The following SGK1 variants were observed in gnomAD, a reference collection of about 807,000 sequenced individuals.
The protein encoded by SGK1 is serum/glucocorticoid regulated kinase 1.
Under a neutral mutation model 64.2 loss-of-function variants are expected in SGK1, and 26 were observed. The observed-to-expected ratio is 0.40, with a 90% CI of 0.30 to 0.56. The LOEUF is 0.56. Ranked by LOEUF, SGK1 falls within the 20% of genes least tolerant of loss-of-function variation. The probability of loss-of-function intolerance (pLI) is 0.38; values close to 1 mark genes in which losing one functional copy is unlikely to be tolerated. For missense variants in SGK1, 519 were observed against 645.6 expected (o/e 0.80, Z 2.12); for synonymous variants, 265 against 239.7 (o/e 1.11, Z -0.98).
At chr6:134,277,399 T>G (rs1361250251) in intron 1 of SGK1, among the ~76,000 whole-genome samples, 1 of 152,122 alleles carries the variant, frequency 6.6e-6, no homozygotes, top group Non-Finnish European at 1.5e-5. Context: ...GTCTTACCAG[T>G]GGCTTTTAAC....
intron 1 of SGK1, among the ~76,000 whole-genome samples, chr6:134,300,217 T>C (rs940618535): frequency 5.3e-5 from 8 of 151,768 alleles, no homozygotes; most frequent in Non-Finnish European, 7.4e-5. Context: ...TGGGGAGAGA[T>C]GAGTTAAGAG....
chr6:134,175,888 G>A, intron 3 of SGK1: 3 of 1,119,496 alleles, frequency 2.7e-6, no homozygotes, highest in Non-Finnish European at 3.3e-6. Flanking sequence ...GAGGAGGAAG[G>A]AAGGAAAGAA....
intron 1 of SGK1, among the ~76,000 whole-genome samples, chr6:134,286,738 A>AT (rs1425591892): frequency 6.6e-6 from 1 of 152,154 alleles, no homozygotes; most frequent in African/African-American, 2.4e-5. Flanking sequence ...AAGTGCTGAG[A>AT]TTACAGGCGT....
chr6:134,209,439 A>G (rs1775850164), intron 2 of SGK1, among the ~76,000 whole-genome samples: 1 of 151,696 alleles, frequency 6.6e-6, no homozygotes, highest in Admixed American at 6.6e-5. Context: ...GTCTCAAAAA[A>G]ACAAACAAAC....
intron 1 of SGK1, among the ~76,000 whole-genome samples, chr6:134,304,288 G>C (rs1303979898): frequency 1.3e-5 from 2 of 152,206 alleles, no homozygotes; most frequent in African/African-American, 4.8e-5. Context: ...AGTAGCTTTT[G>C]CTCATCAAAT....
chr6:134,315,486 C>A (rs577431855), intron 1 of SGK1, among the ~76,000 whole-genome samples: 1 of 151,176 alleles, frequency 6.6e-6, no homozygotes, highest in Non-Finnish European at 1.5e-5. Context: ...CAACTGAAGT[C>A]TATTGGTAAA....
At chr6:134,185,218 A>G (rs1775402369) in intron 3 of SGK1, among the ~76,000 whole-genome samples, 1 of 152,162 alleles carries the variant, frequency 6.6e-6, no homozygotes, top group Non-Finnish European at 1.5e-5. Context: ...CTGCCAGGGG[A>G]TGACACAGTC....
intron 5 of SGK1, 33 bp downstream of exon 5, chr6:134,173,972 C>T (rs762664311): frequency 4.5e-5 from 67 of 1,482,428 alleles, no homozygotes; most frequent in Non-Finnish European, 1.4e-5. Context: ...CCTTACAGTT[C>T]TCCACAGATG....
At chr6:134,191,554 C>G (rs1301236449) in intron 3 of SGK1, among the ~76,000 whole-genome samples, 2 of 152,170 alleles carry the variant, frequency 1.3e-5, no homozygotes, top group Admixed American at 6.5e-5. Context: ...GCGAAATGAA[C>G]ATGTTCTCTT....
At chr6:134,198,726 ATTTTTTTTTTT>A (rs1178699258) in intron 3 of SGK1, among the ~76,000 whole-genome samples, 1 of 101,780 alleles carries the variant, frequency 9.8e-6, no homozygotes, top group Non-Finnish European at 1.9e-5. Flanking sequence ...CTCTTTTTCT[ATTTTTTTTTTT>A]TTTTTTTTTG....
At chr6:134,314,375 CTG>C (rs1301445970) in intron 1 of SGK1, among the ~76,000 whole-genome samples, 1 of 152,014 alleles carries the variant, frequency 6.6e-6, no homozygotes, top group Non-Finnish European at 1.5e-5. Flanking sequence ...ACAGAAGAGT[CTG>C]TTGTGGAAAC....
chr6:134,208,026 C>T (rs1425947402), intron 2 of SGK1, among the ~76,000 whole-genome samples: 1 of 152,186 alleles, frequency 6.6e-6, no homozygotes, highest in East Asian at 1.9e-4. Flanking sequence ...ATTCTCCTGC[C>T]TCAGCCTCCT....
chr6:134,306,247 A>AC (rs1170643503), intron 1 of SGK1, among the ~76,000 whole-genome samples: 4 of 151,786 alleles, frequency 2.6e-5, no homozygotes, highest in Non-Finnish European at 4.4e-5. Context: ...ACATGGTGAA[A>AC]CCCCATCTCT....
At chr6:134,300,792 C>G (rs540837047) in intron 1 of SGK1, among the ~76,000 whole-genome samples, 27 of 151,436 alleles carry the variant, frequency 1.8e-4, no homozygotes, top group Admixed American at 7.9e-4. Context: ...GCCACCACAC[C>G]CGGCTAATTT....
chr6:134,231,177 AG>A (rs920274409), intron 2 of SGK1, among the ~76,000 whole-genome samples: 3 of 152,200 alleles, frequency 2.0e-5, no homozygotes, highest in Non-Finnish European at 4.4e-5. Flanking sequence ...TGACAGAGTG[AG>A]AATCTGTATT....
At chr6:134,249,933 T>C (rs1331138809) in intron 2 of SGK1, among the ~76,000 whole-genome samples, 1 of 152,206 alleles carries the variant, frequency 6.6e-6, no homozygotes, top group Non-Finnish European at 1.5e-5. Context: ...AGTTAATGCA[T>C]TTAACGTTTT....
intron 2 of SGK1, chr6:134,260,021 T>G (rs969104057): frequency 6.6e-6 from 1 of 152,168 alleles, no homozygotes. Flanking sequence ...ATGAAACATT[T>G]CATATCAATC....
At position 134,293,175 on chromosome 6, in the gene SGK1, A is replaced by T. The variant is rs138456882; in HGVS notation, c.69+24217T>A. Among the ~76,000 whole-genome samples the T allele has an allele frequency of 3.7e-4, 57 of 152,354 alleles. 1 individual carries two copies. The highest frequency in any genetic ancestry group is 1.3e-3 in the African/African-American group (52 of 41,578). ...ATGGCTCATAATTTGCCAGTTTCTAATAAGCTGTACAAATCTCACTATTAC... is the reference window on the plus strand; with the variant it reads ...ATGGCTCATAATTTGCCAGTTTCTATTAAGCTGTACAAATCTCACTATTAC... On this transcript the variant is annotated intron_variant, in intron 1 of 13. Transcript: ENST00000367858.
chr6:134,285,490 A>C (rs1049466625), intron 1 of SGK1, among the ~76,000 whole-genome samples: 1 of 151,690 alleles, frequency 6.6e-6, no homozygotes. Flanking sequence ...AAAAAAAAAA[A>C]AAAAAAGGTG....
Sources: allele counts gnomAD v4.1 joint callset (sites outside exome capture counted in the v4.1 genomes callset), GRCh38; gene constraint gnomAD v4.1.1; transcripts MANE v1.5; gene names NCBI Gene and HGNC (gene_info 2026-07-23, HGNC 2026-07-21).